Variants in SH3KBP1 observed in about 807,000 individuals in gnomAD.
SH3KBP1 encodes the protein SH3 domain-containing kinase-binding protein 1.
SH3KBP1 carries 8 observed loss-of-function variants against 50.1 expected under a neutral mutation model. The ratio of observed to expected loss-of-function variants is 0.16; its 90% CI spans 0.09 to 0.29. The LOEUF is 0.29. SH3KBP1 is among the 10% of genes least tolerant of loss of function. SH3KBP1 has a pLI of 1.00. For synonymous variants in SH3KBP1, 227 were observed against 218.6 expected (o/e 1.04, Z -0.34); for missense variants, 377 against 535.2 (o/e 0.70, Z 2.92).
At chrX:19,670,923 TG>T in intron 6 of SH3KBP1, 1 of 1,152,910 alleles carries the variant, frequency 8.7e-7, no homozygotes, top group Non-Finnish European at 1.2e-6. Flanking sequence ...AGAACTCCCC[TG>T]GAATCCTCCC....
chrX:19,733,570 AG>A (rs1452132471), intron 3 of SH3KBP1, among the ~76,000 whole-genome samples: 1 of 111,272 alleles, frequency 9.0e-6, no homozygotes, highest in Non-Finnish European at 1.9e-5. Flanking sequence ...AAAATTTTGA[AG>A]TAAAAAATGA....
intron 1 of SH3KBP1, among the ~76,000 whole-genome samples, chrX:19,849,550 G>T (rs933960784): frequency 1.8e-5 from 2 of 109,530 alleles, no homozygotes; most frequent in African/African-American, 6.7e-5. Flanking sequence ...TTAGCTAGGC[G>T]TGGTGGCACG....
chrX:19,636,869 C>G (rs16981246), intron 7 of SH3KBP1, among the ~76,000 whole-genome samples: 24,563 of 111,630 alleles, frequency 0.22, 2,562 homozygotes, highest in African/African-American at 0.4. Context: ...GCAGATTCTG[C>G]TAGGAAGACT....
intron 1 of SH3KBP1, among the ~76,000 whole-genome samples, chrX:19,875,238 G>A (rs2069212231): frequency 1.8e-5 from 2 of 111,516 alleles, no homozygotes; most frequent in South Asian, 3.8e-4. Context: ...TTTAACGGCC[G>A]CCAACTCAAT....
intron 2 of SH3KBP1, among the ~76,000 whole-genome samples, chrX:19,765,613 A>G (rs190768508): frequency 5.5e-4 from 62 of 112,036 alleles, no homozygotes; most frequent in African/African-American, 2.0e-3. Flanking sequence ...TAAACTACAC[A>G]GTTCAGTAGT....
At chrX:19,601,649 G>A (rs1318356356) in intron 9 of SH3KBP1, 4 of 111,367 alleles carry the variant, frequency 3.6e-5, no homozygotes, top group Non-Finnish European at 5.7e-5. Flanking sequence ...CTGTGGGTGA[G>A]GCTGGAGAGG....
chrX:19,760,023 C>CCTCTCTCTCTCTCCT (rs2065337952), intron 2 of SH3KBP1, among the ~76,000 whole-genome samples: 1 of 83,582 alleles, frequency 1.2e-5, no homozygotes, highest in African/African-American at 5.9e-5. Flanking sequence ...CTCTCTCTCT[C>CCTCTCTCTCTCTCCT]CTCTCTCTCT....
chrX:19,579,758 C>T (rs1246040951), intron 12 of SH3KBP1, among the ~76,000 whole-genome samples: 1 of 111,690 alleles, frequency 9.0e-6, no homozygotes, highest in Non-Finnish European at 1.9e-5. Flanking sequence ...AAGGTACTTC[C>T]CCCCATGCCT....
chrX:19,876,205 A>C (rs2069245752), intron 1 of SH3KBP1, among the ~76,000 whole-genome samples: 1 of 110,919 alleles, frequency 9.0e-6, no homozygotes, highest in African/African-American at 3.3e-5. Context: ...CTAAAAATAC[A>C]AAAAAATTAG....
chrX:19,654,026 C>G (rs1266359685), intron 6 of SH3KBP1, among the ~76,000 whole-genome samples: 1 of 111,321 alleles, frequency 9.0e-6, no homozygotes, highest in African/African-American at 3.3e-5. Context: ...CTCTTTCAAT[C>G]TGTCCAATAA....
intron 6 of SH3KBP1, among the ~76,000 whole-genome samples, chrX:19,657,025 T>C (rs934895853): frequency 9.0e-6 from 1 of 111,342 alleles, no homozygotes; most frequent in Non-Finnish European, 1.9e-5. Context: ...GGAAACAAAA[T>C]AGTTTCAATC....
At chrX:19,569,912 G>T (rs1569295709) in intron 12 of SH3KBP1, among the ~76,000 whole-genome samples, 1 of 111,821 alleles carries the variant, frequency 8.9e-6, no homozygotes, top group African/African-American at 3.3e-5. Flanking sequence ...CACCCTTTTG[G>T]GGGGATGAGT....
chrX:19,748,693 G>A (rs761273462), intron 2 of SH3KBP1, among the ~76,000 whole-genome samples: 10 of 110,955 alleles, frequency 9.0e-5, no homozygotes, highest in African/African-American at 2.0e-4. Flanking sequence ...ACACATGGCC[G>A]TGGCAGTTAA....
At chrX:19,776,397 G>A (rs912617290) in intron 2 of SH3KBP1, among the ~76,000 whole-genome samples, 2 of 109,622 alleles carry the variant, frequency 1.8e-5, no homozygotes, top group African/African-American at 6.7e-5. Flanking sequence ...AGTGGGAGTG[G>A]ATGAGGTATC....
At chrX:19,852,525 C>T (rs748103646) in intron 1 of SH3KBP1, among the ~76,000 whole-genome samples, 29 of 109,292 alleles carry the variant, frequency 2.7e-4, no homozygotes, top group African/African-American at 7.7e-4. Flanking sequence ...ATATTCCAGC[C>T]GCCAGCCAGT....
intron 9 of SH3KBP1, among the ~76,000 whole-genome samples, chrX:19,596,997 T>C (rs1422719063): frequency 1.8e-5 from 2 of 112,017 alleles, no homozygotes; most frequent in Non-Finnish European, 3.8e-5. Context: ...CTCCCATGAA[T>C]CAAAAATATT....
At chrX:19,709,631 C>T (rs1041211606) in intron 3 of SH3KBP1, among the ~76,000 whole-genome samples, 1 of 111,902 alleles carries the variant, frequency 8.9e-6, no homozygotes. Context: ...CACTGTACCA[C>T]GTCACTTAGG....
Position 19,648,356 on chromosome X carries a change from A to G in SH3KBP1, c.727-2881T>C, listed in dbSNP as rs1412383478. 8.7e-5 allele frequency among the ~76,000 whole-genome samples: 9 copies of G among 103,231 alleles called. No homozygotes were observed. In the East Asian group the frequency reaches 2.8e-3, roughly 32 times the overall value. 89.6% of individuals were successfully genotyped at this position (103,231 alleles called of 115,157 possible). A position where few individuals can be genotyped will look rare whatever the true frequency, so the allele number is the denominator to read the frequency against. On this transcript the variant is annotated intron_variant, in intron 6 of 17. Coordinates refer to ENST00000397821, the MANE Select transcript of SH3KBP1 (RefSeq NM_031892.3). ...AAGAAGAAAAGAGAAGGAGGGAAGGAAGGAAGGAAGGAGGGAAGGAGGGCA... is the reference window on the plus strand; with the variant it reads ...AAGAAGAAAAGAGAAGGAGGGAAGGGAGGAAGGAAGGAGGGAAGGAGGGCA...
At chrX:19,861,102 C>T (rs764601193) in intron 1 of SH3KBP1, among the ~76,000 whole-genome samples, 2 of 111,671 alleles carry the variant, frequency 1.8e-5, no homozygotes, top group African/African-American at 3.3e-5. Flanking sequence ...GCAGGCCAGG[C>T]GCGGTGGCTC....
Sources: allele counts gnomAD v4.1 joint callset (sites outside exome capture counted in the v4.1 genomes callset), GRCh38; gene constraint gnomAD v4.1.1; transcripts MANE v1.5; gene names NCBI Gene and HGNC (gene_info 2026-07-23, HGNC 2026-07-21).